The following PDE8B variants were observed in gnomAD, a reference collection of about 807,000 sequenced individuals.
PDE8B encodes the protein high affinity cAMP-specific and IBMX-insensitive 3',5'-cyclic phosphodiesterase 8B.
Under a neutral mutation model 101.3 loss-of-function variants are expected in PDE8B, and 26 were observed. The observed-to-expected ratio is 0.26, with a 90% confidence interval of 0.19 to 0.36. The LOEUF (loss-of-function observed/expected upper bound fraction) is 0.36, where lower values mean the gene tolerates loss of function less well. PDE8B is among the 10% of genes least tolerant of loss of function. The pLI is 1.00. For missense variants in PDE8B, 810 were observed against 1,163.1 expected (o/e 0.70, Z 4.42); for synonymous variants, 424 against 429.3 (o/e 0.99, Z 0.15).
chr5:77,117,397 T>C, the PDE8B span, among the ~76,000 whole-genome samples: 1 of 152,222 alleles, frequency 6.6e-6, no homozygotes, highest in South Asian at 2.1e-4. Flanking sequence ...CTAGGTTTTA[T>C]GTGAACTTGC....
At chr5:77,413,089 G>C in intron 16 of PDE8B, 22 bp from the exon 17 acceptor site, 3 of 1,602,008 alleles carry the variant, frequency 1.9e-6, no homozygotes, top group South Asian at 1.1e-5. Context: ...AATGAGCCAG[G>C]GTGGGTTTTC....
intron 10 of PDE8B, among the ~76,000 whole-genome samples, chr5:77,356,018 G>A (rs1782043979): frequency 6.6e-6 from 1 of 152,238 alleles, no homozygotes; most frequent in Non-Finnish European, 1.5e-5. Context: ...CATGTGGCCT[G>A]CAGAGCTTAA....
At chr5:77,129,145 G>A in the PDE8B span, among the ~76,000 whole-genome samples, 1 of 152,014 alleles carries the variant, frequency 6.6e-6, no homozygotes, top group African/African-American at 2.4e-5. Flanking sequence ...TAGTTTAGTA[G>A]TGAAAGTACC....
chr5:77,412,235 G>C lies in PDE8B; in HGVS notation c.1712G>C (p.Arg571Thr), dbSNP rs757333244. 7 of 1,614,086 alleles carry C rather than the reference G, an allele frequency of 4.3e-6. No individual in the cohort carries two copies. Among genetic ancestry groups the C allele is most frequent in the Non-Finnish European group, 5.9e-6 (7 of 1,179,966 alleles). The change falls in exon 16 of 22, where the codon AGG (arginine) becomes ACG (threonine). Residue 571 changes from arginine (R) to threonine (T), a missense_variant and splice_region_variant. Around this residue, in one of 4 missense-constraint regions of PDE8B, gnomAD observed 325 missense variants for 560.9 expected, o/e 0.58. Coordinates refer to ENST00000264917, the MANE Select transcript of PDE8B (RefSeq NM_003719.5). Reference protein sequence around the residue: ...IFELEAITHKRPLVYLGLKVF... With the variant: ...IFELEAITHKTPLVYLGLKVF... ...GAATTGGAAGCCATTACGCATAAAAGGTATGTGACTTCTCTGGCTGAAGGC... is the reference window on the plus strand; with the variant it reads ...GAATTGGAAGCCATTACGCATAAAACGTATGTGACTTCTCTGGCTGAAGGC...
the PDE8B span, among the ~76,000 whole-genome samples, chr5:77,157,631 T>C: frequency 6.6e-6 from 1 of 152,244 alleles, no homozygotes; most frequent in Non-Finnish European, 1.5e-5. Context: ...CTCTTAACTA[T>C]ATCCAAGGAG....
the PDE8B span, among the ~76,000 whole-genome samples, chr5:77,149,253 TCA>T: frequency 7.9e-5 from 12 of 152,364 alleles, no homozygotes; most frequent in South Asian, 6.2e-4. Flanking sequence ...TACATCAATA[TCA>T]CAGTGTATTC....
the PDE8B span, among the ~76,000 whole-genome samples, chr5:77,095,359 T>C: frequency 2.0e-5 from 3 of 152,240 alleles, no homozygotes; most frequent in Non-Finnish European, 4.4e-5. Context: ...TTGTTAGCCA[T>C]TGTTCCGATT....
chr5:77,152,957 A>G, the PDE8B span, among the ~76,000 whole-genome samples: 1 of 152,328 alleles, frequency 6.6e-6, no homozygotes, highest in South Asian at 2.1e-4. Flanking sequence ...GTGAGAGAAA[A>G]TGAATTGCTT....
At chr5:77,210,181 C>T (rs1174653568), upstream of PDE8B, among the ~76,000 whole-genome samples, 1 of 152,180 alleles carries the variant, frequency 6.6e-6, no homozygotes, top group Admixed American at 6.5e-5. The surrounding 1 kb of genome is among the most constrained non-coding windows in gnomAD (Gnocchi z 4.9). Context: ...CTTACACAGC[C>T]CTTCAGGGGA....
Position 77,312,113 on chromosome 5 carries a change from T to TC in PDE8B, c.399+60_399+61insC. 5.3e-6 allele frequency: 7 copies of TC among 1,324,322 alleles called. No homozygotes were observed. In the South Asian group the frequency reaches 6.0e-5, roughly 11 times the overall value. The allele number at this position is 1,324,322 out of a possible 1,614,324, so 82.0% of individuals were successfully genotyped here. Reference sequence around the variant, plus strand: ...TATTTTCTTTTTTTTTTCTTTTTTTTTTTTTTTTGAGATGGAGCCTCCTTC... The same window carrying TC: ...TATTTTCTTTTTTTTTTCTTTTTTTTCTTTTTTTTGAGATGGAGCCTCCTTC... On this transcript the variant is annotated intron_variant, in intron 2 of 21. Coordinates refer to ENST00000264917, the MANE Select transcript of PDE8B (RefSeq NM_003719.5).
At chr5:77,146,742 T>C in the PDE8B span, 1 of 316,268 alleles carries the variant, frequency 3.2e-6, no homozygotes, top group South Asian at 3.6e-5. Context: ...GAAAGGGAAA[T>C]TTGAAGACAT....
At chr5:77,183,418 G>A in the PDE8B span, among the ~76,000 whole-genome samples, 3 of 152,156 alleles carry the variant, frequency 2.0e-5, no homozygotes, top group South Asian at 2.1e-4. Context: ...GTGCCTGGGC[G>A]CTACTATTTC....
intron 10 of PDE8B, among the ~76,000 whole-genome samples, chr5:77,394,544 T>A (rs1457931412): frequency 2.6e-5 from 4 of 152,200 alleles, no homozygotes; most frequent in African/African-American, 9.7e-5. Flanking sequence ...CATGCTACAT[T>A]CTGTGGGCTC....
At chr5:77,198,705 G>T in the PDE8B span, among the ~76,000 whole-genome samples, 1 of 152,076 alleles carries the variant, frequency 6.6e-6, no homozygotes, top group African/African-American at 2.4e-5. Flanking sequence ...TTTTCTAGTT[G>T]TTAATGGAAG....
intron 1 of PDE8B, among the ~76,000 whole-genome samples, chr5:77,277,049 C>T (rs1370707508): frequency 6.6e-6 from 1 of 152,000 alleles, no homozygotes; most frequent in Non-Finnish European, 1.5e-5. Flanking sequence ...TTGTTCTCAC[C>T]ATGAACCTTG....
In PDE8B at chr5:77,296,169, CTTTTTTCTTCT is replaced by C. The variant is rs988853145; in HGVS notation, c.340-15811_340-15801del. On this transcript the variant is annotated intron_variant, in intron 1 of 21. Transcript: ENST00000264917. ...TCCTCCTCTTCTTCATCATCTTCTT[CTTTTTTCTTCT>C]TTTTTTCTTCTTTCTCTCCCTCCTT... Among the ~76,000 whole-genome samples the C allele has an allele frequency of 4.7e-5, 7 of 148,312 alleles. No individual in the cohort carries two copies. In the South Asian group the frequency reaches 8.5e-4, roughly 18 times the overall value.
intron 1 of PDE8B, among the ~76,000 whole-genome samples, chr5:77,275,383 G>C (rs973111769): frequency 4.3e-5 from 5 of 116,596 alleles, no homozygotes; most frequent in African/African-American, 1.6e-4. Context: ...TTCCCAAAAA[G>C]AGGACCACTT....
chr5:77,280,809 A>G (rs1764820620), intron 1 of PDE8B, among the ~76,000 whole-genome samples: 1 of 152,242 alleles, frequency 6.6e-6, no homozygotes, highest in Admixed American at 6.5e-5. Flanking sequence ...AGGCAGGAGA[A>G]TCGCTTGAAC....
the PDE8B span, among the ~76,000 whole-genome samples, chr5:77,172,858 G>T: frequency 1.3e-5 from 2 of 152,148 alleles, no homozygotes; most frequent in Admixed American, 6.5e-5. Context: ...TTGTTTACTT[G>T]TTTCTGGCTT....
Sources: allele counts gnomAD v4.1 joint callset (sites outside exome capture counted in the v4.1 genomes callset), GRCh38; gene constraint gnomAD v4.1.1; regional missense constraint gnomAD v4.1.1; non-coding constraint Gnocchi (gnomAD v3.1); transcripts MANE v1.5; gene names NCBI Gene and HGNC (gene_info 2026-07-23, HGNC 2026-07-21).